Variants in SDC4 observed in about 807,000 individuals in gnomAD.
SDC4 encodes the protein syndecan-4.
SDC4 carries 17 observed loss-of-function variants against 20.5 expected under a neutral mutation model. The ratio of observed to expected loss-of-function variants is 0.83; its 90% CI spans 0.57 to 1.25. The LOEUF is 1.25. SDC4 is among the 50% of genes most tolerant of loss of function. SDC4 has a pLI of 0.00. For synonymous variants in SDC4, 107 were observed against 105.3 expected (o/e 1.02, Z -0.10); for missense variants, 241 against 252.3 (o/e 0.96, Z 0.30).
rs528012964 is a variant in SDC4 at position 45,341,903 on chromosome 20, A to T, written c.61-5983T>A. Among the ~76,000 whole-genome samples, 126 of 152,302 alleles carry T rather than the reference A, an allele frequency of 8.3e-4. 3 individuals are homozygous for T. The South Asian group carries it at 0.025, about 30-fold the overall frequency. On this transcript the variant is annotated intron_variant, in intron 1 of 4. Transcript: ENST00000372733. ...TTACTAACTCCCTGGATGATCGTGG[A>T]CAATTCCCTTCTCTGAGCCTCAGTT...
At chr20:45,328,606 G>C (rs1256091210) in intron 4 of SDC4, among the ~76,000 whole-genome samples, 1 of 152,136 alleles carries the variant, frequency 6.6e-6, no homozygotes, top group East Asian at 1.9e-4. Context: ...CACTCTGCCA[G>C]GTGGCCTGAA....
intron 4 of SDC4, 151 bp from the exon 5 acceptor site, chr20:45,327,566 G>T: frequency 1.1e-6 from 1 of 873,294 alleles, no homozygotes; most frequent in Non-Finnish European, 1.7e-6. Context: ...CCTTATTTAA[G>T]TTGACCTCAT....
At chr20:45,343,755 G>A (rs1158916520) in intron 1 of SDC4, among the ~76,000 whole-genome samples, 1 of 152,180 alleles carries the variant, frequency 6.6e-6, no homozygotes, top group Non-Finnish European at 1.5e-5. Flanking sequence ...AGGACCCCCT[G>A]GCATGAAGGT....
In SDC4 at chr20:45,337,561, C is replaced by T. The variant is rs143621811; in HGVS notation, c.61-1641G>A. Reference sequence around the variant, plus strand: ...GGTCAGGTCTCTGTTTCGGACACCCCAGGCAGTCCTTCACTCAGCTGAGAC... The same window carrying T: ...GGTCAGGTCTCTGTTTCGGACACCCTAGGCAGTCCTTCACTCAGCTGAGAC... On this transcript the variant is annotated intron_variant, in intron 1 of 4. Transcript: ENST00000372733. Among the ~76,000 whole-genome samples the T allele has an allele frequency of 4.1e-3, 622 of 152,340 alleles. 3 individuals are homozygous for T. The highest frequency in any genetic ancestry group is 0.014 in the African/African-American group (592 of 41,574).
At chr20:45,343,531 GT>G (rs945818749) in intron 1 of SDC4, among the ~76,000 whole-genome samples, 1 of 152,212 alleles carries the variant, frequency 6.6e-6, no homozygotes, top group African/African-American at 2.4e-5. Flanking sequence ...AGCAGGAGAG[GT>G]GGGGCTGCCC....
chr20:45,340,628 G>C (rs1987940854), intron 1 of SDC4, among the ~76,000 whole-genome samples: 1 of 152,240 alleles, frequency 6.6e-6, no homozygotes, highest in Admixed American at 6.5e-5. Context: ...AGGAGTTCAG[G>C]GTCAGGGCTT....
intron 1 of SDC4, among the ~76,000 whole-genome samples, chr20:45,338,256 A>G (rs1314203459): frequency 6.6e-6 from 1 of 152,240 alleles, no homozygotes; most frequent in Non-Finnish European, 1.5e-5. Context: ...GCCAGAACCC[A>G]GGCTTCACTG....
chr20:45,339,458 C>T (rs1987922878), intron 1 of SDC4, among the ~76,000 whole-genome samples: 1 of 152,248 alleles, frequency 6.6e-6, no homozygotes, highest in South Asian at 2.1e-4. Context: ...AAATTACCAA[C>T]TAAGTAAGAC....
rs775805394 is a variant in SDC4 at position 45,330,486 on chromosome 20, T to C, written c.325A>G (p.Asn109Asp). Residue 109 changes from asparagine to aspartate, a missense_variant, in exon 4 of 5, where the codon AAT becomes GAT. Coordinates refer to ENST00000372733, the MANE Select transcript of SDC4 (RefSeq NM_002999.4). ...GAGATTCTCTTGGGGATAACCTCAT[T>C]CTCCTCTAGTTTCTTGGGTTCGGTG... is the stretch of plus-strand genomic sequence containing the variant. ...VPTEPKKLEE[N>D]EVIPKRISPV... The C allele has an allele frequency of 1.2e-6, 2 of 1,614,130 alleles. No homozygotes were observed. The highest frequency in any genetic ancestry group is 3.3e-5 in the Admixed American group (2 of 60,020).
At position 45,335,879 on chromosome 20, in the gene SDC4, T is replaced by G; in HGVS notation, c.102A>C (p.Glu34Asp). The change falls in exon 2 of 5, where the codon GAA becomes GAC. Residue 34 changes from glutamate to aspartate, a missense_variant. Glu to Asp is a conservative substitution (Grantham distance 45, BLOSUM62 2). Coordinates refer to ENST00000372733, the MANE Select transcript of SDC4 (RefSeq NM_002999.4). ...TEVIDPQDLL[E>D]GRYFSGALPD... ...GTAGGGCTCCGGAGAAGTATCGGCC[T>G]TCTAGGAGGTCCTGGGGGTCGATGA... is the stretch of plus-strand genomic sequence containing the variant. The G allele has an allele frequency of 6.2e-7, 1 of 1,613,808 alleles. No individual in the cohort carries two copies. The highest frequency in any genetic ancestry group is 8.5e-7 in the Non-Finnish European group (1 of 1,179,936).
rs556783610 is a variant in SDC4, at chr20:45,347,828, G to A, written c.60+497C>T. On this transcript the variant is annotated intron_variant, in intron 1 of 4. Transcript: ENST00000372733. ...TGACAGAGCTGGGGCCAGAACTGAG[G>A]TTAGGGCTCAGTTCTCCTTGGTGTG... 5.9e-5 allele frequency among the ~76,000 whole-genome samples: 9 copies of A among 152,260 alleles called. No individual in the cohort carries two copies. In the South Asian group the frequency reaches 1.7e-3, roughly 28 times the overall value.
At chr20:45,335,642 CT>C (rs1987850491) in intron 2 of SDC4, 139 bp downstream of exon 2, 8 of 877,804 alleles carry the variant, frequency 9.1e-6, no homozygotes, top group Non-Finnish European at 1.2e-5. Flanking sequence ...TTTGTTTCCC[CT>C]TTTTTTGAGA....
chr20:45,341,675 G>A (rs957698289), intron 1 of SDC4, among the ~76,000 whole-genome samples: 2 of 152,126 alleles, frequency 1.3e-5, no homozygotes, highest in African/African-American at 4.8e-5. Flanking sequence ...TTCAAATGTC[G>A]CCTTCAAGGT....
intron 4 of SDC4, among the ~76,000 whole-genome samples, chr20:45,329,045 C>T (rs555246067): frequency 5.3e-5 from 8 of 152,156 alleles, no homozygotes; most frequent in Non-Finnish European, 1.0e-4. Flanking sequence ...TTTGTGACTT[C>T]GGATAAGTTC....
In SDC4 at chr20:45,330,505, T is replaced by A. The variant is rs757319843; in HGVS notation, c.306A>T (p.Glu102Asp). The A allele has an allele frequency of 6.2e-7, 1 of 1,614,146 alleles. No homozygotes were observed. The highest frequency in any genetic ancestry group is 1.7e-5 in the Admixed American group (1 of 60,012). Residue 102 changes from glutamate to aspartate, a missense_variant, in exon 4 of 5, where the codon GAA (glutamate) becomes GAT (aspartate). Coordinates refer to ENST00000372733, the MANE Select transcript of SDC4 (RefSeq NM_002999.4). ...CCTCATTCTCCTCTAGTTTCTTGGG[T>A]TCGGTGGGGACTTGGCTCCCAGACC... ...RAGSGSQVPT[E>D]PKKLEENEVI... is the part of the protein sequence containing the mutation.
At chr20:45,342,409 G>C (rs1987966587) in intron 1 of SDC4, among the ~76,000 whole-genome samples, 1 of 152,206 alleles carries the variant, frequency 6.6e-6, no homozygotes, top group Non-Finnish European at 1.5e-5. Flanking sequence ...AGAGGCTAGA[G>C]TGACACCGCC....
Position 45,347,147 on chromosome 20 carries a change from TG to T in SDC4, c.60+1177del, listed in dbSNP as rs1038567457. On this transcript the variant is annotated intron_variant, in intron 1 of 4. Transcript: ENST00000372733. The stretch of plus-strand genomic sequence containing the variant: ...CATCATGGCATGCCTGGAATTGTGC[TG>T]GAAGTATTGCCTAGGGTCTCATTCA... 9.1e-4 allele frequency among the ~76,000 whole-genome samples: 139 copies of T among 152,302 alleles called. 1 individual carries two copies. Among genetic ancestry groups the T allele is most frequent in the African/African-American group, 3.1e-3 (129 of 41,562 alleles).
chr20:45,336,497 G>T (rs972650236), intron 1 of SDC4, among the ~76,000 whole-genome samples: 8 of 152,194 alleles, frequency 5.3e-5, no homozygotes, highest in Non-Finnish European at 5.9e-5. Flanking sequence ...GCTATGTGCT[G>T]GGCCCTGTTT....
chr20:45,327,600 C>T (rs746616791), intron 4 of SDC4, among the ~76,000 whole-genome samples, 185 bp from the exon 5 acceptor site: 10 of 152,232 alleles, frequency 6.6e-5, no homozygotes, highest in African/African-American at 1.7e-4. Context: ...AGAAGTGGGT[C>T]GTTGGCATTT....
Sources: gnomAD v4.1 joint callset for allele counts (sites outside exome capture counted in the v4.1 genomes callset) on GRCh38, gnomAD v4.1.1 for gene constraint, MANE v1.5 for transcripts, NCBI Gene and HGNC (gene_info 2026-07-23, HGNC 2026-07-21) for gene names.